The following TMEM63C variants were observed in gnomAD, a reference collection of about 807,000 sequenced individuals.
The protein encoded by TMEM63C is transmembrane protein 63C.
Under a neutral mutation model 99.2 loss-of-function variants are expected in TMEM63C, and 32 were observed. That is an observed-to-expected ratio of 0.32 (90% CI 0.24 to 0.43). TMEM63C has a LOEUF of 0.43. TMEM63C is among the 20% of genes least tolerant of loss of function. The probability of loss-of-function intolerance (pLI) is 1.00; values close to 1 mark genes in which losing one functional copy is unlikely to be tolerated. For missense variants in TMEM63C, 826 were observed against 1,053.0 expected (o/e 0.78, Z 2.98); for synonymous variants, 376 against 397.9 (o/e 0.94, Z 0.66).
At chr14:77,249,744 C>T (rs944725351) in intron 21 of TMEM63C, among the ~76,000 whole-genome samples, 2 of 152,220 alleles carry the variant, frequency 1.3e-5, no homozygotes, top group African/African-American at 2.4e-5. Flanking sequence ...TAAGTCTAGA[C>T]GGGTGGAAAA....
At chr14:77,231,107 C>T (rs1267954406) in intron 6 of TMEM63C, among the ~76,000 whole-genome samples, 3 of 152,224 alleles carry the variant, frequency 2.0e-5, no homozygotes, top group Non-Finnish European at 4.4e-5. Context: ...CACACTCTCA[C>T]CAGCACTTAG....
rs768254359 is a variant in TMEM63C, at chr14:77,253,282, CCCA to C, written c.2149-17_2149-15del. ...GGGGCAAAGAGCAGGCCTCCTGTAA[CCCA>C]CCACCTCTCCCTGCTGCAGCCCGAG... is the stretch of plus-strand genomic sequence containing the variant. On this transcript the variant is annotated intron_variant, in intron 22 of 23. Transcript: ENST00000298351. 43 of 1,609,282 alleles carry C rather than the reference CCCA, an allele frequency of 2.7e-5. No individual in the cohort carries two copies. In the South Asian group the frequency reaches 4.5e-4, roughly 17 times the overall value.
chr14:77,243,071 C>CAGGCCAGGCCTGGGG lies in TMEM63C; in HGVS notation c.1341+17_1341+31dup, dbSNP rs1217852229. On this transcript the variant is annotated intron_variant, in intron 15 of 23. Transcript: ENST00000298351. ...AGAAGCTGCAGGTGCCTCCTCTGCT[C>CAGGCCAGGCCTGGGG]AGGCCAGGCCTGGGGACCCCAGGGA... The CAGGCCAGGCCTGGGG allele has an allele frequency of 3.1e-6, 5 of 1,612,922 alleles. No individual in the cohort carries two copies. The African/African-American group carries it at 6.7e-5, about 22-fold the overall frequency.
At position 77,256,924 on chromosome 14, in the gene TMEM63C, C is replaced by T; in HGVS notation, c.*198C>T. 1.7e-6 allele frequency: 1 copy of T among 595,170 alleles called. No homozygotes were observed. Among genetic ancestry groups the T allele is most frequent in the African/African-American group, 1.9e-5 (1 of 53,938 alleles). 36.9% of individuals were successfully genotyped at this position (595,170 alleles called of 1,614,324 possible). On this transcript the variant is annotated 3_prime_UTR_variant, in exon 24 of 24. Transcript: ENST00000298351. ...CCCGGCTGGAACTGGGGGTGCTCGG[C>T]AGTGCTGAAGGAGCCTGGGAAGGGA...
chr14:77,223,997 G>A (rs1166459693), intron 5 of TMEM63C, among the ~76,000 whole-genome samples: 1 of 152,042 alleles, frequency 6.6e-6, no homozygotes, highest in Admixed American at 6.5e-5. Context: ...CCTCCCTGGG[G>A]ATGCTCCCCA....
chr14:77,233,583 TG>T (rs1888983214), intron 8 of TMEM63C, 83 bp downstream of exon 8: 16 of 1,459,652 alleles, frequency 1.1e-5, no homozygotes, highest in Non-Finnish European at 1.4e-5. Context: ...GTTTGCAACA[TG>T]GGCAGCGTTT....
At chr14:77,182,802 C>T (rs981855878) in intron 1 of TMEM63C, among the ~76,000 whole-genome samples, 4 of 152,170 alleles carry the variant, frequency 2.6e-5, no homozygotes, top group African/African-American at 7.2e-5. Context: ...GGGGTGTGAG[C>T]GTGTGCTGTT....
At chr14:77,255,561 A>G (rs1179043104) in intron 23 of TMEM63C, among the ~76,000 whole-genome samples, 1 of 152,230 alleles carries the variant, frequency 6.6e-6, no homozygotes, top group Admixed American at 6.5e-5. Context: ...ATGTCTTATG[A>G]CAGGTTCCAT....
intron 2 of TMEM63C, among the ~76,000 whole-genome samples, chr14:77,215,633 A>AGAAAAGAAAAGAAAAGAAAC: frequency 6.6e-6 from 1 of 151,194 alleles, no homozygotes; most frequent in Non-Finnish European, 1.5e-5. Flanking sequence ...AGAAAAGAAA[A>AGAAAAGAAAAGAAAAGAAAC]AGAAACTAGA....
At chr14:77,250,493 G>A (rs148531364) in intron 21 of TMEM63C, among the ~76,000 whole-genome samples, 6,549 of 150,648 alleles carry the variant, frequency 0.043, 498 homozygotes, top group African/African-American at 0.15. Context: ...AGGCTGGAGT[G>A]CAGTGGCCTG....
At chr14:77,222,830 T>C (rs757766848) in intron 5 of TMEM63C, among the ~76,000 whole-genome samples, 4 of 152,146 alleles carry the variant, frequency 2.6e-5, no homozygotes, top group Non-Finnish European at 5.9e-5. Context: ...CCACAGAAAA[T>C]GCATTCCTTT....
intron 8 of TMEM63C, among the ~76,000 whole-genome samples, chr14:77,233,948 C>T (rs1453514621): frequency 4.6e-5 from 7 of 152,146 alleles, no homozygotes; most frequent in Non-Finnish European, 7.3e-5. Context: ...ATTAACTGGC[C>T]CTAGGTCTGA....
chr14:77,240,721 C>T (rs1028380677), intron 13 of TMEM63C, 113 bp downstream of exon 13: 2 of 1,341,340 alleles, frequency 1.5e-6, no homozygotes, highest in Non-Finnish European at 1.0e-6. Context: ...CCTCCATGCT[C>T]GTCACAGGCA....
chr14:77,231,547 C>T (rs1366441111), intron 6 of TMEM63C, 41 bp from the exon 7 acceptor site: 2 of 1,548,450 alleles, frequency 1.3e-6, no homozygotes, highest in Non-Finnish European at 1.7e-6. Flanking sequence ...GGTGGCCACG[C>T]TGGCTCCTGA....
intron 23 of TMEM63C, 115 bp downstream of exon 23, chr14:77,253,491 G>C (rs1041423593): frequency 9.3e-7 from 1 of 1,076,120 alleles, no homozygotes; most frequent in Non-Finnish European, 1.4e-6. Flanking sequence ...TGGGGAAGGA[G>C]ATGGGGGACC....
chr14:77,195,770 G>A (rs977466464), intron 1 of TMEM63C, among the ~76,000 whole-genome samples: 1 of 152,224 alleles, frequency 6.6e-6, no homozygotes, highest in African/African-American at 2.4e-5. Context: ...TCCATGGCCC[G>A]CTCCCCACAG....
intron 5 of TMEM63C, among the ~76,000 whole-genome samples, chr14:77,223,042 T>C (rs1220257375): frequency 6.6e-6 from 1 of 152,118 alleles, no homozygotes; most frequent in African/African-American, 2.4e-5. Flanking sequence ...TTGTCATCCC[T>C]CGAGAGGCGG....
At chr14:77,238,646 C>G in intron 9 of TMEM63C, 48 bp from the exon 10 acceptor site, 1 of 1,496,042 alleles carries the variant, frequency 6.7e-7, no homozygotes, top group Non-Finnish European at 9.3e-7. Context: ...GTCTGGAATT[C>G]CTATGCAAGC....
rs113502887 is a variant in TMEM63C, at chr14:77,215,614, A to G, written c.-14+2106A>G. ...AGACTCTGTCTCAAAAAAAAAAAAA[A>G]AAAAGAAAAGAAAAGAAAAAGAAAC... On this transcript the variant is annotated intron_variant, in intron 2 of 23. Coordinates refer to ENST00000298351, the MANE Select transcript of TMEM63C (RefSeq NM_020431.4). 2.2e-4 allele frequency among the ~76,000 whole-genome samples: 17 copies of G among 76,548 alleles called. 1 individual carries two copies. The highest frequency in any genetic ancestry group is 1.8e-3 in the Admixed American group (12 of 6,644). 50.2% of individuals were successfully genotyped at this position (76,548 alleles called of 152,430 possible). A position where few individuals can be genotyped will look rare whatever the true frequency, so the allele number is the denominator to read the frequency against.
Sources: gnomAD v4.1 joint callset for allele counts (sites outside exome capture counted in the v4.1 genomes callset) on GRCh38, gnomAD v4.1.1 for gene constraint, MANE v1.5 for transcripts, NCBI Gene and HGNC (gene_info 2026-07-23, HGNC 2026-07-21) for gene names.